ARMH4: variants seen among roughly 807,000 people sequenced by gnomAD.
ARMH4 encodes armadillo like helical domain containing 4, also known as armadillo-like helical domain-containing protein 4.
Under a neutral mutation model 61.9 loss-of-function variants are expected in ARMH4, and 49 were observed. That is an observed-to-expected ratio of 0.79 (90% CI 0.63 to 1.00). The LOEUF (loss-of-function observed/expected upper bound fraction) is 1.00, where lower values mean the gene tolerates loss of function less well. Ranked by LOEUF, ARMH4 falls within the 50% of genes least tolerant of loss-of-function variation. ARMH4 has a pLI of 0.00. For missense variants in ARMH4, 934 were observed against 930.0 expected (o/e 1.00, Z -0.06); for synonymous variants, 368 against 341.5 (o/e 1.08, Z -0.85).
chr14:58,038,536 A>G (rs1883564992), intron 5 of ARMH4, among the ~76,000 whole-genome samples: 1 of 119,808 alleles, frequency 8.3e-6, no homozygotes, highest in Non-Finnish European at 1.9e-5. Flanking sequence ...CATGTACCCT[A>G]AAATTTAAAG....
intron 5 of ARMH4, among the ~76,000 whole-genome samples, chr14:58,096,339 C>G (rs1022653805): frequency 6.6e-6 from 1 of 152,196 alleles, no homozygotes; most frequent in African/African-American, 2.4e-5. Context: ...GTCCAACATC[C>G]TGGTTACACG....
chr14:58,047,500 G>A (rs1883982152), intron 5 of ARMH4, among the ~76,000 whole-genome samples: 1 of 152,148 alleles, frequency 6.6e-6, no homozygotes, highest in Non-Finnish European at 1.5e-5. Flanking sequence ...CTGTAAGGTA[G>A]GTACAGCCAT....
At chr14:58,141,430 G>T in intron 1 of ARMH4, 1 of 539,004 alleles carries the variant, frequency 1.9e-6, no homozygotes, top group South Asian at 1.4e-5. Context: ...GAAACGGCTG[G>T]AGGATGGCCA....
rs1882085439 is a variant in ARMH4 at position 58,004,485 on chromosome 14, AT to A, written c.*250del. 1 of 335,458 alleles carries A rather than the reference AT, an allele frequency of 3.0e-6. No homozygotes were observed. 20.8% of individuals were successfully genotyped at this position (335,458 alleles called of 1,614,324 possible). A position where few individuals can be genotyped will look rare whatever the true frequency, so the allele number is the denominator to read the frequency against. ...CTACTGAAAAACATATATGTTGCAT[AT>A]TTATGAGTTGTAGCCCACGGTTGTG... On this transcript the variant is annotated 3_prime_UTR_variant, in exon 8 of 8. Transcript: ENST00000267485.
At chr14:58,086,078 T>C (rs1193012824) in intron 5 of ARMH4, among the ~76,000 whole-genome samples, 1 of 152,168 alleles carries the variant, frequency 6.6e-6, no homozygotes, top group Non-Finnish European at 1.5e-5. Context: ...CATTCTTTGG[T>C]AGGAGCTGTC....
At chr14:58,009,807 CAA>C (rs1180997628) in intron 6 of ARMH4, among the ~76,000 whole-genome samples, 2 of 46,816 alleles carry the variant, frequency 4.3e-5, no homozygotes. Context: ...CAAGACTCTG[CAA>C]AAAAAAAAAA....
intron 5 of ARMH4, among the ~76,000 whole-genome samples, chr14:58,023,212 T>C (rs1448476053): frequency 6.6e-6 from 1 of 152,192 alleles, no homozygotes; most frequent in Non-Finnish European, 1.5e-5. Flanking sequence ...ATATATGCAA[T>C]GCTGTTTGAG....
intron 4 of ARMH4, among the ~76,000 whole-genome samples, chr14:58,099,496 G>T (rs1385703777): frequency 6.6e-6 from 1 of 152,172 alleles, no homozygotes; most frequent in Non-Finnish European, 1.5e-5. Flanking sequence ...GAGGGCACGG[G>T]GGACCTTGAC....
intron 5 of ARMH4, among the ~76,000 whole-genome samples, chr14:58,024,779 C>T (rs72714774): frequency 0.068 from 10,289 of 152,062 alleles, 450 homozygotes; most frequent in African/African-American, 0.12. Context: ...GCATTAATTT[C>T]AATATTGTTT....
intron 5 of ARMH4, among the ~76,000 whole-genome samples, chr14:58,045,712 G>A (rs745601346): frequency 2.6e-4 from 39 of 151,996 alleles, no homozygotes; most frequent in Admixed American, 4.6e-4. Context: ...GACCCAATTG[G>A]AATTAGGGTG....
chr14:58,011,270 TCTTTAATATTAAG>T (rs1469740948), intron 6 of ARMH4, among the ~76,000 whole-genome samples: 1 of 152,216 alleles, frequency 6.6e-6, no homozygotes, highest in African/African-American at 2.4e-5. Flanking sequence ...AATGTTGTAT[TCTTTAATATTAAG>T]CTGTAGCAAA....
chr14:58,012,989 A>T (rs1566539379), intron 5 of ARMH4, among the ~76,000 whole-genome samples: 2 of 152,230 alleles, frequency 1.3e-5, no homozygotes, highest in Admixed American at 1.3e-4. Context: ...CATTGAATGA[A>T]GATTTACTTT....
chr14:58,110,853 T>C (rs1594763020), intron 4 of ARMH4, among the ~76,000 whole-genome samples: 1 of 152,012 alleles, frequency 6.6e-6, no homozygotes, highest in Non-Finnish European at 1.5e-5. Context: ...TCCCAAGTAG[T>C]TGGAATTACA....
chr14:58,129,023 C>T (rs547146393), intron 4 of ARMH4, among the ~76,000 whole-genome samples: 5 of 152,326 alleles, frequency 3.3e-5, no homozygotes, highest in South Asian at 4.1e-4. Flanking sequence ...GGTTCCTCCC[C>T]TAGAGGCTTT....
At chr14:58,042,465 T>A (rs1182636654) in intron 5 of ARMH4, among the ~76,000 whole-genome samples, 1 of 152,010 alleles carries the variant, frequency 6.6e-6, no homozygotes, top group Non-Finnish European at 1.5e-5. Flanking sequence ...TAGAGGGAAA[T>A]TTATAGCACT....
At chr14:58,014,936 G>A (rs1882550689) in intron 5 of ARMH4, among the ~76,000 whole-genome samples, 1 of 152,148 alleles carries the variant, frequency 6.6e-6, no homozygotes, top group South Asian at 2.1e-4. Flanking sequence ...CAAAAGAGAG[G>A]TGGAGGCAGG....
At position 58,147,316 on chromosome 14, in the gene ARMH4, G is replaced by GTTA. The variant is rs1424192920; in HGVS notation, c.-57+4758_-57+4759insTAA. Among the ~76,000 whole-genome samples, 1,021 of 132,542 alleles carry GTTA rather than the reference G, an allele frequency of 7.7e-3. 16 individuals are homozygous for GTTA. The highest frequency in any genetic ancestry group is 0.027 in the African/African-American group (964 of 35,752). The allele number at this position is 132,542 out of a possible 152,430, so 87.0% of individuals were successfully genotyped here. On this transcript the variant is annotated intron_variant, in intron 1 of 7. Coordinates refer to ENST00000267485, the MANE Select transcript of ARMH4 (RefSeq NM_001001872.4). ...CAATCTATTTTATACAATCCAGATG[G>GTTA]TTTTTTTTTTTTTTTTTGATAGGAA... is the stretch of plus-strand genomic sequence containing the variant.
At chr14:58,117,822 G>C (rs745700075) in intron 4 of ARMH4, among the ~76,000 whole-genome samples, 1 of 151,742 alleles carries the variant, frequency 6.6e-6, no homozygotes. Context: ...GCAGTGGTAT[G>C]ATCACAGTTC....
intron 4 of ARMH4, among the ~76,000 whole-genome samples, chr14:58,124,235 G>A (rs564934774): frequency 1.3e-5 from 2 of 152,280 alleles, no homozygotes; most frequent in African/African-American, 4.8e-5. Flanking sequence ...CCTAAAGAAG[G>A]CCCTAACCCA....
Sources: allele counts gnomAD v4.1 joint callset (sites outside exome capture counted in the v4.1 genomes callset), GRCh38; gene constraint gnomAD v4.1.1; transcripts MANE v1.5; gene names NCBI Gene and HGNC (gene_info 2026-07-23, HGNC 2026-07-21).